IRF6: variants seen among roughly 807,000 people sequenced by gnomAD.
IRF6 encodes the protein interferon regulatory factor 6.
IRF6 carries 6 observed loss-of-function variants against 51.4 expected under a neutral mutation model. The ratio of observed to expected loss-of-function variants is 0.12; its 90% CI spans 0.06 to 0.23. IRF6 has a LOEUF of 0.23. Ranked by LOEUF, IRF6 falls within the 10% of genes least tolerant of loss-of-function variation. The pLI is 1.00. For missense variants in IRF6, 348 were observed against 585.2 expected, an observed-to-expected ratio of 0.59 and a Z score of 4.18; for synonymous variants, 178 against 215.7, an observed-to-expected ratio of 0.83 and a Z score of 1.53.
Position 209,788,342 on chromosome 1 carries a change from G to T in IRF6, c.*78C>A. 2 of 926,842 alleles carry T rather than the reference G, an allele frequency of 2.2e-6. No individual in the cohort carries two copies. Among genetic ancestry groups the T allele is most frequent in the Non-Finnish European group, 3.4e-6 (2 of 586,360 alleles). The allele number at this position is 926,842 out of a possible 1,614,324, so 57.4% of individuals were successfully genotyped here. A position where few individuals can be genotyped will look rare whatever the true frequency, so the allele number is the denominator to read the frequency against. On this transcript the variant is annotated 3_prime_UTR_variant, in exon 9 of 9. Transcript: ENST00000367021. ...TGTTAGAGAAAAGAGAGATTTAAAA[G>T]CTGGTTAAATCTAAACAATAAAAAA...
chr1:209,796,628 GACACAAAC>G lies in IRF6; in HGVS notation c.175-84_175-77del, dbSNP rs1430689410. On this transcript the variant is annotated intron_variant, in intron 3 of 8. Coordinates refer to ENST00000367021, the MANE Select transcript of IRF6 (RefSeq NM_006147.4). The surrounding 1 kb of genome is among the most constrained non-coding windows in gnomAD (Gnocchi z 4.5). ...AAGCATGTGCTTACCCTTTCTCATA[GACACAAAC>G]ACACACACACACACACACACACACA... is the stretch of plus-strand genomic sequence containing the variant. The G allele has an allele frequency of 2.7e-6, 2 of 747,670 alleles. No individual in the cohort carries two copies. Among genetic ancestry groups the G allele is most frequent in the African/African-American group, 3.1e-5 (1 of 32,458 alleles). 46.3% of individuals were successfully genotyped at this position (747,670 alleles called of 1,614,324 possible).
At chr1:209,804,977 C>G (rs1386278523) in intron 1 of IRF6, among the ~76,000 whole-genome samples, 1 of 152,190 alleles carries the variant, frequency 6.6e-6, no homozygotes, top group Non-Finnish European at 1.5e-5. Flanking sequence ...TTTAGCCCTG[C>G]TTAGGGGTAA....
At position 209,792,404 on chromosome 1, in the gene IRF6, C is replaced by T. The variant is rs1219340322; in HGVS notation, c.532G>A (p.Val178Met). The T allele has an allele frequency of 1.2e-6, 2 of 1,614,196 alleles. No individual in the cohort carries two copies. The highest frequency in any genetic ancestry group is 4.5e-5 in the East Asian group (2 of 44,884). ...CAGTTGCCCACACTGCAATTGCCCA[C>T]ACTGGCTGGCGCCATGGGAGAACCT... is the stretch of plus-strand genomic sequence containing the variant. Reference protein sequence around the residue: ...INGSPMAPASVGNCSVGNCSP... With the variant: ...INGSPMAPASMGNCSVGNCSP... The change falls in exon 6 of 9, where the codon GTG (valine) becomes ATG (methionine). Residue 178 changes from valine to methionine, a missense_variant. Transcript: ENST00000367021.
chr1:209,803,025 T>C (rs2077953157), intron 1 of IRF6, among the ~76,000 whole-genome samples: 1 of 152,164 alleles, frequency 6.6e-6, no homozygotes, highest in African/African-American at 2.4e-5. Context: ...ACCTTCCCCC[T>C]GGGAGCATAG....
chr1:209,802,712 A>G (rs2077951133), intron 1 of IRF6, among the ~76,000 whole-genome samples: 1 of 152,206 alleles, frequency 6.6e-6, no homozygotes, highest in Admixed American at 6.5e-5. Context: ...GGTCACCTTC[A>G]TACCCAGAAA....
Position 209,786,265 on chromosome 1 carries a change from C to T in IRF6, c.*2155G>A, listed in dbSNP as rs539406879. On this transcript the variant is annotated 3_prime_UTR_variant, in exon 9 of 9. Transcript: ENST00000367021. ...AAAGAAGCCAAAACAAGGAAGAAAC[C>T]GGGGTATCTAGTTAAGACCTCACAA... The T allele has an allele frequency of 1.3e-5, 2 of 152,156 alleles. No individual in the cohort carries two copies. The highest frequency in any genetic ancestry group is 2.9e-5 in the Non-Finnish European group (2 of 68,040). The allele number at this position is 152,156 out of a possible 1,614,324, so 9.4% of individuals were successfully genotyped here.
chr1:209,793,907 C>T (rs1209125865), intron 5 of IRF6, among the ~76,000 whole-genome samples: 1 of 152,136 alleles, frequency 6.6e-6, no homozygotes, highest in Non-Finnish European at 1.5e-5. Flanking sequence ...TGATCTTACT[C>T]TTTTTTATGG....
chr1:209,790,373 A>T lies in IRF6; in HGVS notation c.1060+122T>A. ...GTTCTGTTCTCCCTTGACCTCCTCCAGACTAAATTTTTTAAGATCTTTGCC... is the reference window on the plus strand; with the variant it reads ...GTTCTGTTCTCCCTTGACCTCCTCCTGACTAAATTTTTTAAGATCTTTGCC... On this transcript the variant is annotated intron_variant, in intron 7 of 8. Transcript: ENST00000367021. This position sits in a 1 kb window ranked among gnomAD's most constrained non-coding sequence, Gnocchi z 4.8. The T allele has an allele frequency of 8.3e-7, 1 of 1,198,180 alleles. No homozygotes were observed. Among genetic ancestry groups the T allele is most frequent in the Non-Finnish European group, 1.2e-6 (1 of 819,524 alleles). The allele number at this position is 1,198,180 out of a possible 1,614,324, so 74.2% of individuals were successfully genotyped here. A position where few individuals can be genotyped will look rare whatever the true frequency, so the allele number is the denominator to read the frequency against.
In IRF6 at chr1:209,796,370, G is replaced by C; in HGVS notation, c.357C>G (p.Pro119=). ...CACCTGGGTTAATGATCGAGCCCTG[G>C]GGCTGAGGGATGTCACACACTTGAT... is the stretch of plus-strand genomic sequence containing the variant. The part of the protein sequence containing the change: ...KIYQVCDIPQ[P]QGSIINPGST... The change falls in exon 4 of 9, where the codon CCC becomes CCG. Residue 119 remains proline, a synonymous_variant. Transcript: ENST00000367021. This position sits in a 1 kb window ranked among gnomAD's most constrained non-coding sequence, Gnocchi z 4.5. 1 of 1,614,040 alleles carries C rather than the reference G, an allele frequency of 6.2e-7. No homozygotes were observed. The highest frequency in any genetic ancestry group is 1.1e-5 in the South Asian group (1 of 91,076).
chr1:209,790,566 G>A lies in IRF6; in HGVS notation c.989C>T (p.Ser330Leu). The change falls in exon 7 of 9, where the codon TCA becomes TTA. Residue 330 changes from serine to leucine, a missense_variant. Ser to Leu is a moderately radical substitution (Grantham distance 145, BLOSUM62 -2). Around this residue, in one of 5 missense-constraint regions of IRF6, gnomAD observed 125 missense variants for 222.0 expected, o/e 0.56. Coordinates refer to ENST00000367021, the MANE Select transcript of IRF6 (RefSeq NM_006147.4). This position sits in a 1 kb window ranked among gnomAD's most constrained non-coding sequence, Gnocchi z 4.8. The part of the protein sequence containing the change: ...KVYWSGPCAP[S>L]LVAPNLIERQ... The stretch of plus-strand genomic sequence containing the variant: ...CTCAATCAGGTTGGGAGCAACAAGT[G>A]ATGGGGCACATGGCCCAGACCAGTA... 6.2e-7 allele frequency: 1 copy of A among 1,614,242 alleles called. No homozygotes were observed. The highest frequency in any genetic ancestry group is 8.5e-7 in the Non-Finnish European group (1 of 1,180,034).
chr1:209,794,105 G>A (rs181896690), intron 5 of IRF6, among the ~76,000 whole-genome samples: 2 of 152,192 alleles, frequency 1.3e-5, no homozygotes, highest in East Asian at 1.9e-4. Flanking sequence ...AGGATTGCTG[G>A]GCCAAAAGGT....
Position 209,801,392 on chromosome 1 carries a change from C to T in IRF6, c.22G>A (p.Val8Ile), listed in dbSNP as rs2077940775. Residue 8 changes from valine to isoleucine, a missense_variant, in exon 3 of 9, where the codon GTC (valine) becomes ATC (isoleucine). By Grantham distance (29) the Val-to-Ile change is conservative. Around this residue, in one of 5 missense-constraint regions of IRF6, gnomAD observed 48 missense variants for 128.1 expected, o/e 0.37. Transcript: ENST00000367021. ...GCCACCAGCCAGGGCTTTAGCCGGA[C>T]TCTGCGGGGGTGGAGGGCCATGATC... MALHPRR[V>I]RLKPWLVAQV... 6.2e-7 allele frequency: 1 copy of T among 1,610,406 alleles called. No homozygotes were observed. Among genetic ancestry groups the T allele is most frequent in the Non-Finnish European group, 8.5e-7 (1 of 1,178,514 alleles).
At position 209,796,634 on chromosome 1, in the gene IRF6, AAC is replaced by A. The variant is rs3028134; in HGVS notation, c.175-84_175-83del. Reference sequence around the variant, plus strand: ...GTGCTTACCCTTTCTCATAGACACAAACACACACACACACACACACACACACA... The same window carrying A: ...GTGCTTACCCTTTCTCATAGACACAAACACACACACACACACACACACACA... On this transcript the variant is annotated intron_variant, in intron 3 of 8. Transcript: ENST00000367021. This position sits in a 1 kb window ranked among gnomAD's most constrained non-coding sequence, Gnocchi z 4.5. The A allele has an allele frequency of 0.14, 80,280 of 581,446 alleles. 1,532 individuals carry two copies. Among genetic ancestry groups the A allele is most frequent in the Middle Eastern group, 0.16 (334 of 2,116 alleles). 36.0% of individuals were successfully genotyped at this position (581,446 alleles called of 1,614,324 possible). A position where few individuals can be genotyped will look rare whatever the true frequency, so the allele number is the denominator to read the frequency against.
intron 1 of IRF6, among the ~76,000 whole-genome samples, chr1:209,802,450 C>T (rs1411684923): frequency 6.6e-6 from 1 of 152,220 alleles, no homozygotes; most frequent in Non-Finnish European, 1.5e-5. Flanking sequence ...GATAAAAAAA[C>T]AGTCACTGGA....
chr1:209,789,996 A>T (rs1344610560), intron 7 of IRF6, among the ~76,000 whole-genome samples: 2 of 152,258 alleles, frequency 1.3e-5, no homozygotes, highest in Admixed American at 1.3e-4. Context: ...TAGCACAAAT[A>T]TATTGAACAG....
At chr1:209,795,516 G>C in intron 4 of IRF6, 98 bp from the exon 5 acceptor site, 1 of 1,572,998 alleles carries the variant, frequency 6.4e-7, no homozygotes, top group Non-Finnish European at 8.6e-7. Context: ...TAGCCCAGAG[G>C]CTCCTCAGGT....
At position 209,796,274 on chromosome 1, in the gene IRF6, G is replaced by T; in HGVS notation, c.379+74C>A. On this transcript the variant is annotated intron_variant, in intron 4 of 8. Coordinates refer to ENST00000367021, the MANE Select transcript of IRF6 (RefSeq NM_006147.4). This position sits in a 1 kb window ranked among gnomAD's most constrained non-coding sequence, Gnocchi z 4.5. ...ACTGTGTAAATCAGGCTGTTTTCAA[G>T]TTGACTATCTCTTAAGAGTGCAGCC... 1 of 1,278,636 alleles carries T rather than the reference G, an allele frequency of 7.8e-7. No homozygotes were observed. The highest frequency in any genetic ancestry group is 1.1e-6 in the Non-Finnish European group (1 of 882,668). 79.2% of individuals were successfully genotyped at this position (1,278,636 alleles called of 1,614,324 possible).
At position 209,788,290 on chromosome 1, in the gene IRF6, A is replaced by C; in HGVS notation, c.*130T>G. 1 of 674,120 alleles carries C rather than the reference A, an allele frequency of 1.5e-6. No individual in the cohort carries two copies. Among genetic ancestry groups the C allele is most frequent in the Non-Finnish European group, 2.5e-6 (1 of 395,832 alleles). The allele number at this position is 674,120 out of a possible 1,614,324, so 41.8% of individuals were successfully genotyped here. ...TTAAATCAGCTTTAAATCTAGGCAT[A>C]TTTGGAGAATCACAAACTTCTAACA... is the stretch of plus-strand genomic sequence containing the variant. On this transcript the variant is annotated 3_prime_UTR_variant, in exon 9 of 9. Transcript: ENST00000367021.
Position 209,795,242 on chromosome 1 carries a change from T to C in IRF6, c.508+48A>G, listed in dbSNP as rs776020763. The C allele has an allele frequency of 8.7e-6, 14 of 1,608,462 alleles. No individual in the cohort carries two copies. In the South Asian group the frequency reaches 1.5e-4, roughly 18 times the overall value. ...GTATTGACAGTCCCAAGGTCAAAAC[T>C]CCTTACATCCTCCATATGTCTCTGT... On this transcript the variant is annotated intron_variant, in intron 5 of 8. Coordinates refer to ENST00000367021, the MANE Select transcript of IRF6 (RefSeq NM_006147.4).
Sources: gnomAD v4.1 joint callset for allele counts (sites outside exome capture counted in the v4.1 genomes callset) on GRCh38, gnomAD v4.1.1 for gene constraint, gnomAD v4.1.1 regional missense constraint, Gnocchi (gnomAD v3.1) non-coding constraint, MANE v1.5 for transcripts, NCBI Gene and HGNC (gene_info 2026-07-23, HGNC 2026-07-21) for gene names.